GPR158: variants seen among roughly 807,000 people sequenced by gnomAD.
GPR158 encodes the protein G protein-coupled receptor 158.
In GPR158, 30 loss-of-function variants were observed where a neutral mutation model predicts 78.2. The ratio of observed to expected loss-of-function variants is 0.38; its 90% CI spans 0.29 to 0.52. The LOEUF (loss-of-function observed/expected upper bound fraction) is 0.52, where lower values mean the gene tolerates loss of function less well. Ranked by LOEUF, GPR158 falls within the 20% of genes least tolerant of loss-of-function variation. GPR158 has a pLI of 0.83. For missense variants in GPR158, 1,463 were observed against 1,523.5 expected, an observed-to-expected ratio of 0.96 and a Z score of 0.66; for synonymous variants, 581 against 591.1, an observed-to-expected ratio of 0.98 and a Z score of 0.25.
intron 3 of GPR158, among the ~76,000 whole-genome samples, chr10:25,401,036 A>G (rs1027532242): frequency 1.5e-4 from 23 of 152,194 alleles, no homozygotes; most frequent in Admixed American, 5.2e-4. Context: ...GCAAATGTTA[A>G]GCAAGGCTGA....
At chr10:25,322,971 C>T (rs376937592) in intron 2 of GPR158, among the ~76,000 whole-genome samples, 17 of 152,164 alleles carry the variant, frequency 1.1e-4, no homozygotes, top group African/African-American at 2.2e-4. Flanking sequence ...CTCAGCCTCC[C>T]GAGTAGCTGG....
intron 4 of GPR158, 52 bp downstream of exon 4, chr10:25,412,525 C>G (rs758954582): frequency 8.0e-7 from 1 of 1,249,994 alleles, no homozygotes; most frequent in Non-Finnish European, 1.2e-6. Context: ...AACCTCTTAT[C>G]TTTTTAAGCA....
At chr10:25,388,111 T>G (rs1023429506) in intron 2 of GPR158, among the ~76,000 whole-genome samples, 2 of 152,248 alleles carry the variant, frequency 1.3e-5, no homozygotes, top group African/African-American at 4.8e-5. Flanking sequence ...TGTGAGTTCT[T>G]AAGAGCTGTC....
At chr10:25,247,943 G>C (rs1853722839) in intron 2 of GPR158, among the ~76,000 whole-genome samples, 2 of 149,674 alleles carry the variant, frequency 1.3e-5, no homozygotes, top group South Asian at 4.3e-4. Flanking sequence ...CAATGTAAAA[G>C]TGTTCCTATT....
At chr10:25,578,572 A>T (rs1201427211) in intron 7 of GPR158, among the ~76,000 whole-genome samples, 2 of 152,254 alleles carry the variant, frequency 1.3e-5, no homozygotes, top group African/African-American at 4.8e-5. Flanking sequence ...AACAGTCATA[A>T]TAGATTGGTA....
intron 2 of GPR158, among the ~76,000 whole-genome samples, chr10:25,343,192 CT>C: frequency 6.6e-6 from 1 of 151,882 alleles, no homozygotes; most frequent in East Asian, 1.9e-4. Flanking sequence ...TGCTAAATGT[CT>C]AGAATTTCCA....
intron 2 of GPR158, among the ~76,000 whole-genome samples, chr10:25,252,904 TC>T (rs1158079137): frequency 1.3e-5 from 2 of 152,112 alleles, no homozygotes; most frequent in Admixed American, 6.5e-5. Context: ...CGGGCGCCCC[TC>T]CCCCAGCCTC....
At position 25,599,413 on chromosome 10, in the gene GPR158, T is replaced by C; in HGVS notation, c.*139T>C. On this transcript the variant is annotated 3_prime_UTR_variant, in exon 11 of 11. Transcript: ENST00000376351. ...GGTGAGGTAAAGTCAAAGGCATGGGTAGAAGAGGACCAGGGGGGCAAGAGC... is the reference window on the plus strand; with the variant it reads ...GGTGAGGTAAAGTCAAAGGCATGGGCAGAAGAGGACCAGGGGGGCAAGAGC... The C allele has an allele frequency of 3.0e-6, 2 of 677,808 alleles. No individual in the cohort carries two copies. Among genetic ancestry groups the C allele is most frequent in the Admixed American group, 5.8e-5 (2 of 34,216 alleles). The allele number at this position is 677,808 out of a possible 1,614,324, so 42.0% of individuals were successfully genotyped here.
In GPR158 at chr10:25,332,860, A is replaced by G. The variant is rs1427931084; in HGVS notation, c.1009-63051A>G. Among the ~76,000 whole-genome samples, 3 of 152,180 alleles carry G rather than the reference A, an allele frequency of 2.0e-5. No individual in the cohort carries two copies. The East Asian group carries it at 5.8e-4, about 29-fold the overall frequency. ...AAGATAGTTATTCTCCATGTTATAA[A>G]TGGCTTCAATATACTTTAGGGTTCT... On this transcript the variant is annotated intron_variant, in intron 2 of 10. Coordinates refer to ENST00000376351, the MANE Select transcript of GPR158 (RefSeq NM_020752.3).
intron 2 of GPR158, among the ~76,000 whole-genome samples, chr10:25,310,752 ATTT>A (rs896488402): frequency 1.3e-5 from 2 of 151,714 alleles, no homozygotes; most frequent in Non-Finnish European, 2.9e-5. Flanking sequence ...GAAATTTATT[ATTT>A]TTCTTTTGGA....
chr10:25,285,807 A>AT (rs1024068914), intron 2 of GPR158, among the ~76,000 whole-genome samples: 1 of 152,196 alleles, frequency 6.6e-6, no homozygotes, highest in African/African-American at 2.4e-5. Context: ...AAAATCAAAC[A>AT]TTTACAGGTA....
At chr10:25,213,264 C>G (rs1288090020) in intron 1 of GPR158, among the ~76,000 whole-genome samples, 1 of 152,060 alleles carries the variant, frequency 6.6e-6, no homozygotes, top group East Asian at 1.9e-4. Context: ...AAAAAAACTT[C>G]TCCCGTAAGA....
At chr10:25,321,958 TTC>T (rs1275249439) in intron 2 of GPR158, among the ~76,000 whole-genome samples, 4 of 152,246 alleles carry the variant, frequency 2.6e-5, no homozygotes, top group African/African-American at 7.2e-5. Context: ...AATCATATTT[TTC>T]TCTCTTTTAT....
intron 2 of GPR158, among the ~76,000 whole-genome samples, chr10:25,277,347 CT>C (rs975555907): frequency 4.6e-5 from 7 of 151,608 alleles, no homozygotes; most frequent in Admixed American, 1.3e-4. Context: ...CTATGAGCTC[CT>C]ATAGGAAAAA....
At chr10:25,400,210 C>G (rs2130534406) in intron 3 of GPR158, among the ~76,000 whole-genome samples, 1 of 151,966 alleles carries the variant, frequency 6.6e-6, no homozygotes. Flanking sequence ...AAATTAGTTG[C>G]CTAATAGGGA....
At chr10:25,317,950 A>G (rs929829908) in intron 2 of GPR158, among the ~76,000 whole-genome samples, 1 of 151,708 alleles carries the variant, frequency 6.6e-6, no homozygotes, top group African/African-American at 2.4e-5. Context: ...GATGGTCTCA[A>G]CCTCCTGACC....
rs971594364 is a variant in GPR158 at position 25,468,006 on chromosome 10, T to G, written c.1404+1287T>G. 2.0e-5 allele frequency among the ~76,000 whole-genome samples: 3 copies of G among 152,110 alleles called. No homozygotes were observed. The South Asian group carries it at 6.2e-4, about 32-fold the overall frequency. On this transcript the variant is annotated intron_variant, in intron 5 of 10. Coordinates refer to ENST00000376351, the MANE Select transcript of GPR158 (RefSeq NM_020752.3). ...ATATGAATTCTGCCTAATGGCAGCATTGCTCCGTACCACCATCCCAGGAAG... is the reference window on the plus strand; with the variant it reads ...ATATGAATTCTGCCTAATGGCAGCAGTGCTCCGTACCACCATCCCAGGAAG...
chr10:25,202,327 ATG>A (rs1852942577), intron 1 of GPR158, among the ~76,000 whole-genome samples: 1 of 149,558 alleles, frequency 6.7e-6, no homozygotes, highest in South Asian at 2.1e-4. Context: ...ATATATATAT[ATG>A]TGCCATGTTG....
At chr10:25,461,691 T>C (rs531615421) in intron 4 of GPR158, among the ~76,000 whole-genome samples, 4 of 151,412 alleles carry the variant, frequency 2.6e-5, no homozygotes, top group African/African-American at 9.7e-5. Flanking sequence ...TCAATATTGA[T>C]GAAATAGCCC....
Sources: allele counts gnomAD v4.1 joint callset (sites outside exome capture counted in the v4.1 genomes callset), GRCh38; gene constraint gnomAD v4.1.1; transcripts MANE v1.5; gene names NCBI Gene and HGNC (gene_info 2026-07-23, HGNC 2026-07-21).